The following PEAK1 variants were observed in gnomAD, a reference collection of about 807,000 sequenced individuals.
PEAK1 encodes the protein inactive tyrosine-protein kinase PEAK1.
Under a neutral mutation model 124.7 loss-of-function variants are expected in PEAK1, and 54 were observed. The ratio of observed to expected loss-of-function variants is 0.43; its 90% CI spans 0.35 to 0.54. The LOEUF (loss-of-function observed/expected upper bound fraction) is 0.54, where lower values mean the gene tolerates loss of function less well. PEAK1 is among the 20% of genes least tolerant of loss of function. PEAK1 has a pLI of 0.01. For missense variants in PEAK1, 2,046 were observed against 2,134.5 expected (o/e 0.96, Z 0.82); for synonymous variants, 719 against 760.0 (o/e 0.95, Z 0.89).
chr15:77,337,056 G>A, intron 2 of PEAK1: 13 of 896,846 alleles, frequency 1.4e-5, no homozygotes, highest in Non-Finnish European at 1.6e-5. Flanking sequence ...GGAGGAAACA[G>A]AATGAGTAAA....
At chr15:77,175,831 T>C (rs2056826822) in intron 7 of PEAK1, among the ~76,000 whole-genome samples, 4 of 152,124 alleles carry the variant, frequency 2.6e-5, no homozygotes, top group Admixed American at 6.6e-5. Context: ...TTATTCACAA[T>C]AGCAAAGACT....
chr15:77,167,291 T>C (rs552317082), intron 7 of PEAK1, among the ~76,000 whole-genome samples: 1 of 152,306 alleles, frequency 6.6e-6, no homozygotes, highest in Non-Finnish European at 1.5e-5. Flanking sequence ...CTGAGGTTTA[T>C]TCTTAGTCAG....
At chr15:77,402,277 A>T in intron 1 of PEAK1, 1 of 985,212 alleles carries the variant, frequency 1.0e-6, no homozygotes, top group Non-Finnish European at 1.2e-6. Context: ...GTTTTCAGTA[A>T]TAGAATTGCT....
chr15:77,295,955 G>A (rs1171722885), intron 2 of PEAK1, among the ~76,000 whole-genome samples: 2 of 152,132 alleles, frequency 1.3e-5, no homozygotes, highest in Non-Finnish European at 2.9e-5. Flanking sequence ...GAAATGATAC[G>A]TCAATGTGCT....
rs144029975 is a variant in PEAK1, at chr15:77,388,343, T to C, written c.-665-23118A>G. ...GGTAAAAGGTAAAGCCTCAGAGTGA[T>C]AGATATGACATGCTAACGTGCAGCT... On this transcript the variant is annotated intron_variant, in intron 1 of 9. Coordinates refer to ENST00000682557, the MANE Select transcript of PEAK1 (RefSeq NM_001385026.1). Among the ~76,000 whole-genome samples the C allele has an allele frequency of 1.4e-4, 21 of 152,334 alleles. No individual in the cohort carries two copies. The East Asian group carries it at 4.0e-3, about 29-fold the overall frequency.
At chr15:77,117,696 C>A (rs1025494686) in intron 9 of PEAK1, among the ~76,000 whole-genome samples, 5 of 151,936 alleles carry the variant, frequency 3.3e-5, no homozygotes, top group Admixed American at 3.3e-4. Flanking sequence ...TTAACACCAG[C>A]AGTATGTTAG....
chr15:77,194,129 T>A (rs1220041522), intron 6 of PEAK1, among the ~76,000 whole-genome samples: 1 of 152,186 alleles, frequency 6.6e-6, no homozygotes, highest in African/African-American at 2.4e-5. Context: ...TGGCAGACAT[T>A]CAGACTGGGT....
At chr15:77,252,981 A>G (rs1176178534) in intron 5 of PEAK1, among the ~76,000 whole-genome samples, 1 of 152,198 alleles carries the variant, frequency 6.6e-6, no homozygotes, top group Non-Finnish European at 1.5e-5. Context: ...TTGCAGTTTT[A>G]GTTTAGGCTC....
At chr15:77,336,670 A>G (rs1427564122) in intron 2 of PEAK1, 3 of 383,940 alleles carry the variant, frequency 7.8e-6, no homozygotes, top group African/African-American at 6.6e-5. Context: ...ATTCTTGATT[A>G]TATACCTCTA....
At chr15:77,281,234 C>T (rs1369871547) in intron 5 of PEAK1, among the ~76,000 whole-genome samples, 1 of 152,166 alleles carries the variant, frequency 6.6e-6, no homozygotes, top group Non-Finnish European at 1.5e-5. Context: ...AGTATGTGAA[C>T]TGCCATTTCT....
At chr15:77,134,001 G>A (rs2053107906) in intron 8 of PEAK1, among the ~76,000 whole-genome samples, 1 of 152,136 alleles carries the variant, frequency 6.6e-6, no homozygotes, top group African/African-American at 2.4e-5. Context: ...ACTGGTTTGG[G>A]TGATGAGTTT....
chr15:77,269,911 C>T (rs2152953175), intron 5 of PEAK1, among the ~76,000 whole-genome samples: 1 of 152,260 alleles, frequency 6.6e-6, no homozygotes, highest in Admixed American at 6.5e-5. Flanking sequence ...TTTATTTCTG[C>T]CTTCATTTTG....
chr15:77,185,764 G>A (rs1477605464), intron 6 of PEAK1, among the ~76,000 whole-genome samples: 2 of 152,200 alleles, frequency 1.3e-5, no homozygotes, highest in Admixed American at 6.5e-5. Context: ...GGAAAACCTA[G>A]ATAATGTTGA....
intron 7 of PEAK1, among the ~76,000 whole-genome samples, chr15:77,174,915 T>C (rs563593312): frequency 6.6e-6 from 1 of 151,972 alleles, no homozygotes; most frequent in South Asian, 2.1e-4. Flanking sequence ...TATAGATCAA[T>C]GGAACAGAAC....
At chr15:77,178,386 G>A (rs2057016807) in intron 7 of PEAK1, 1 of 194,948 alleles carries the variant, frequency 5.1e-6, no homozygotes, top group African/African-American at 2.3e-5. Context: ...AAAAAGAATT[G>A]CTGGAAGAGC....
rs543819809 is a variant in PEAK1, at chr15:77,239,419, C to T, written c.-115+12948G>A. Among the ~76,000 whole-genome samples, 5 of 152,304 alleles carry T rather than the reference C, an allele frequency of 3.3e-5. No individual in the cohort carries two copies. The East Asian group carries it at 9.6e-4, about 29-fold the overall frequency. On this transcript the variant is annotated intron_variant, in intron 6 of 9. Coordinates refer to ENST00000682557, the MANE Select transcript of PEAK1 (RefSeq NM_001385026.1). Reference sequence around the variant, plus strand: ...CAGACTAATTTGAGTTCAATCACCACTTACTAAATTATATGACTTTAGGCA... The same window carrying T: ...CAGACTAATTTGAGTTCAATCACCATTTACTAAATTATATGACTTTAGGCA...
chr15:77,390,444 G>A (rs1330892345), intron 1 of PEAK1, among the ~76,000 whole-genome samples: 2 of 152,198 alleles, frequency 1.3e-5, no homozygotes, highest in African/African-American at 4.8e-5. Flanking sequence ...GGTGATGGAT[G>A]ACAGCATTAG....
At chr15:77,321,682 C>T (rs566190058) in intron 2 of PEAK1, among the ~76,000 whole-genome samples, 51 of 152,254 alleles carry the variant, frequency 3.3e-4, no homozygotes, top group African/African-American at 1.2e-3. Context: ...TTGTCAATTT[C>T]GGCTTTTGTT....
rs571445562 is a variant in PEAK1 at position 77,209,967 on chromosome 15, A to G, written c.-114-27927T>C. Among the ~76,000 whole-genome samples the G allele has an allele frequency of 2.2e-4, 34 of 152,274 alleles. 2 individuals carry two copies. The South Asian group carries it at 7.1e-3, about 32-fold the overall frequency. On this transcript the variant is annotated intron_variant, in intron 6 of 9. Transcript: ENST00000682557. The stretch of plus-strand genomic sequence containing the variant: ...TACAGCAGTAATAAGAAACTAACAC[A>G]CTGAGTTTGGTCTCAGCTCTGACAC...
Sources: gnomAD v4.1 joint callset for allele counts (sites outside exome capture counted in the v4.1 genomes callset) on GRCh38, gnomAD v4.1.1 for gene constraint, MANE v1.5 for transcripts, NCBI Gene and HGNC (gene_info 2026-07-23, HGNC 2026-07-21) for gene names.